PARD6G: variants seen among roughly 807,000 people sequenced by gnomAD.
The protein encoded by PARD6G is partitioning defective 6 homolog gamma.
A neutral mutation model predicts 10.7 loss-of-function variants in PARD6G; 7 were observed. That is an observed-to-expected ratio of 0.66 (90% CI 0.37 to 1.23). PARD6G has a LOEUF of 1.23. PARD6G is among the 50% of genes most tolerant of loss of function. The probability of loss-of-function intolerance (pLI) is 0.02; values close to 1 mark genes in which losing one functional copy is unlikely to be tolerated. For missense variants in PARD6G, 548 were observed against 571.8 expected (o/e 0.96, Z 0.42); for synonymous variants, 287 against 269.4 (o/e 1.07, Z -0.64).
chr18:80,160,456 A>G lies in PARD6G; in HGVS notation c.446T>C (p.Val149Ala). The G allele has an allele frequency of 6.3e-7, 1 of 1,575,528 alleles. No individual in the cohort carries two copies. Among genetic ancestry groups the G allele is most frequent in the Non-Finnish European group, 8.6e-7 (1 of 1,160,616 alleles). The change falls in exon 3 of 3, where the codon GTG (valine) becomes GCG (alanine). Residue 149 changes from valine to alanine, a missense_variant. Coordinates refer to ENST00000353265, the MANE Select transcript of PARD6G (RefSeq NM_032510.4). ...CCGGTGCGTCTCGGGGACCAGGTCCACATCGATGATGGATGATACGGGGCG... is the reference window on the plus strand; with the variant it reads ...CCGGTGCGTCTCGGGGACCAGGTCCGCATCGATGATGGATGATACGGGGCG... ...DFRPVSSIIDVDLVPETHRRV... is the reference protein window; with the variant it reads ...DFRPVSSIIDADLVPETHRRV...
intron 1 of PARD6G, among the ~76,000 whole-genome samples, chr18:80,211,499 T>C (rs570998643): frequency 6.6e-6 from 1 of 152,338 alleles, no homozygotes; most frequent in Non-Finnish European, 1.5e-5. Context: ...AAAAACAATA[T>C]GGCAGTTCCT....
intron 1 of PARD6G, among the ~76,000 whole-genome samples, chr18:80,217,393 G>A (rs1026060948): frequency 1.3e-5 from 2 of 152,168 alleles, no homozygotes; most frequent in African/African-American, 4.8e-5. Context: ...AAGGCACACG[G>A]AATGTGTTCA....
chr18:80,167,021 G>A (rs191735105), intron 2 of PARD6G, among the ~76,000 whole-genome samples: 6 of 152,036 alleles, frequency 3.9e-5, no homozygotes, highest in Admixed American at 6.6e-5. Flanking sequence ...GCAGGGCTCC[G>A]TGTGTCACCG....
chr18:80,190,134 T>G (rs1966884652), intron 2 of PARD6G, among the ~76,000 whole-genome samples: 2 of 152,172 alleles, frequency 1.3e-5, no homozygotes, highest in Non-Finnish European at 2.9e-5. Flanking sequence ...ATCTCTCCTT[T>G]TATTATAAGG....
At position 80,228,101 on chromosome 18, in the gene PARD6G, A is replaced by G. The variant is rs1362478478; in HGVS notation, c.72+19176T>C. Among the ~76,000 whole-genome samples, 1 of 152,128 alleles carries G rather than the reference A, an allele frequency of 6.6e-6. No homozygotes were observed. Among genetic ancestry groups the G allele is most frequent in the African/African-American group, 2.4e-5 (1 of 41,424 alleles). ...TCAGTATACAGTAGATACTAAAAAC[A>G]TTTACTAAACGACAGGTGACCAGCG... On this transcript the variant is annotated intron_variant, in intron 1 of 2. Transcript: ENST00000353265. The surrounding 1 kb of genome is among the most constrained non-coding windows in gnomAD (Gnocchi z 4.6).
chr18:80,168,569 ATGTT>A lies in PARD6G; in HGVS notation c.296-7967_296-7964del, dbSNP rs1189573060. On this transcript the variant is annotated intron_variant, in intron 2 of 2. Transcript: ENST00000353265. Reference sequence around the variant, plus strand: ...CCCATATCCTGTTTTCAGTCAAATTATGTTTGTGTGTGTGTGTGTGTGTGTGTGT... The same window carrying A: ...CCCATATCCTGTTTTCAGTCAAATTATGTGTGTGTGTGTGTGTGTGTGTGT... Among the ~76,000 whole-genome samples, 292 of 118,750 alleles carry A rather than the reference ATGTT, an allele frequency of 2.5e-3. 2 individuals are homozygous for A. The highest frequency in any genetic ancestry group is 8.7e-3 in the African/African-American group (286 of 32,820). 77.9% of individuals were successfully genotyped at this position (118,750 alleles called of 152,430 possible).
chr18:80,163,541 C>A (rs901854693), intron 2 of PARD6G, among the ~76,000 whole-genome samples: 1 of 152,226 alleles, frequency 6.6e-6, no homozygotes, highest in Non-Finnish European at 1.5e-5. Flanking sequence ...CACCCCTGTT[C>A]CGCATGGTGC....
chr18:80,246,142 G>A lies in PARD6G; in HGVS notation c.72+1135C>T, dbSNP rs1297915465. Among the ~76,000 whole-genome samples, 2 of 152,060 alleles carry A rather than the reference G, an allele frequency of 1.3e-5. No homozygotes were observed. Among genetic ancestry groups the A allele is most frequent in the Admixed American group, 6.5e-5 (1 of 15,270 alleles). On this transcript the variant is annotated intron_variant, in intron 1 of 2. Coordinates refer to ENST00000353265, the MANE Select transcript of PARD6G (RefSeq NM_032510.4). This position sits in a 1 kb window ranked among gnomAD's most constrained non-coding sequence, Gnocchi z 6.7. ...CGCCCAAGATAGGCACACAGTTAGG[G>A]GTGCGGGCTCCCACTCCGCCGTTAG... is the stretch of plus-strand genomic sequence containing the variant.
chr18:80,164,724 G>C (rs998944112), intron 2 of PARD6G, among the ~76,000 whole-genome samples: 2 of 152,230 alleles, frequency 1.3e-5, no homozygotes, highest in Admixed American at 6.5e-5. Flanking sequence ...TACAAAGAGA[G>C]GAATTTTACA....
intron 2 of PARD6G, chr18:80,171,251 C>T (rs980037638): frequency 1.2e-4 from 19 of 152,280 alleles, no homozygotes; most frequent in African/African-American, 4.3e-4. Flanking sequence ...TCCAAGTCCT[C>T]CTCCTGTGGC....
chr18:80,170,632 T>C (rs1336490301), intron 2 of PARD6G: 1 of 152,308 alleles, frequency 6.6e-6, no homozygotes, highest in Admixed American at 6.5e-5. Flanking sequence ...GACACAGCGC[T>C]GCCCAGTGGG....
rs186026517 is a variant in PARD6G, at chr18:80,190,797, C to T, written c.295+11913G>A. On this transcript the variant is annotated intron_variant, in intron 2 of 2. Coordinates refer to ENST00000353265, the MANE Select transcript of PARD6G (RefSeq NM_032510.4). Reference sequence around the variant, plus strand: ...GACTCCTCTGTGAGGCCCTGCAGCCCCTGGAACTCTTTCTTGGTCTCCAGG... The same window carrying T: ...GACTCCTCTGTGAGGCCCTGCAGCCTCTGGAACTCTTTCTTGGTCTCCAGG... Among the ~76,000 whole-genome samples the T allele has an allele frequency of 2.4e-3, 361 of 152,274 alleles. 2 individuals carry two copies. Among genetic ancestry groups the T allele is most frequent in the African/African-American group, 7.4e-3 (309 of 41,528 alleles).
rs369709965 is a variant in PARD6G, at chr18:80,181,169, T to C, written c.296-20563A>G. Among the ~76,000 whole-genome samples the C allele has an allele frequency of 3.3e-5, 5 of 152,108 alleles. No homozygotes were observed. The East Asian group carries it at 5.8e-4, about 18-fold the overall frequency. On this transcript the variant is annotated intron_variant, in intron 2 of 2. Transcript: ENST00000353265. The surrounding 1 kb of genome is among the most constrained non-coding windows in gnomAD (Gnocchi z 7.9). Reference sequence around the variant, plus strand: ...CCTGAAGGCTCAGTCTGTGTGGCAATGACACCCACAGACAAGCCCTGCGTA... The same window carrying C: ...CCTGAAGGCTCAGTCTGTGTGGCAACGACACCCACAGACAAGCCCTGCGTA...
intron 1 of PARD6G, among the ~76,000 whole-genome samples, chr18:80,214,528 A>T (rs1314510661): frequency 6.6e-6 from 1 of 152,216 alleles, no homozygotes; most frequent in East Asian, 1.9e-4. Flanking sequence ...CAATTATAAA[A>T]GTAGACCCAA....
intron 1 of PARD6G, among the ~76,000 whole-genome samples, chr18:80,239,804 C>T (rs576509843): frequency 2.6e-5 from 4 of 152,338 alleles, no homozygotes; most frequent in African/African-American, 7.2e-5. Context: ...AGGGATGCCC[C>T]GGCAATGAGC....
rs748899177 is a variant in PARD6G, at chr18:80,202,771, GTCA to G, written c.231_233del (p.Asp78del). 8.1e-6 allele frequency: 13 copies of G among 1,613,916 alleles called. No individual in the cohort carries two copies. Among genetic ancestry groups the G allele is most frequent in the Non-Finnish European group, 5.9e-6 (7 of 1,180,030 alleles). ...CACTAGAAACCGCCTTGCAGAAGTTGTCATCATTGTTGATGGGCAGCAGGTCTC... is the reference window on the plus strand; with the variant it reads ...CACTAGAAACCGCCTTGCAGAAGTTGTCATTGTTGATGGGCAGCAGGTCTC... On this transcript the variant is annotated inframe_deletion, in exon 2 of 3. Transcript: ENST00000353265.
chr18:80,240,459 T>C (rs977654521), intron 1 of PARD6G, among the ~76,000 whole-genome samples: 4 of 152,182 alleles, frequency 2.6e-5, no homozygotes, highest in Admixed American at 1.3e-4. Context: ...ATTGTGTCCC[T>C]AATATAAACA....
At chr18:80,165,932 A>G (rs2052732823) in intron 2 of PARD6G, among the ~76,000 whole-genome samples, 2 of 152,104 alleles carry the variant, frequency 1.3e-5, no homozygotes. Flanking sequence ...AAATACAAAA[A>G]TTAGCTGGGC....
intron 2 of PARD6G, among the ~76,000 whole-genome samples, chr18:80,166,270 A>C (rs1394698998): frequency 6.6e-6 from 1 of 151,070 alleles, no homozygotes; most frequent in Non-Finnish European, 1.5e-5. Context: ...ACACCACCCC[A>C]ATCATGAGTG....
Sources: gnomAD v4.1 joint callset for allele counts (sites outside exome capture counted in the v4.1 genomes callset) on GRCh38, gnomAD v4.1.1 for gene constraint, Gnocchi (gnomAD v3.1) non-coding constraint, MANE v1.5 for transcripts, NCBI Gene and HGNC (gene_info 2026-07-23, HGNC 2026-07-21) for gene names.